Variants in ZDHHC24 observed in about 807,000 individuals in gnomAD.
The protein encoded by ZDHHC24 is zDHHC palmitoyltransferase 24.
Under a neutral mutation model 23.2 loss-of-function variants are expected in ZDHHC24, and 17 were observed. That is an observed-to-expected ratio of 0.73 (90% confidence interval 0.50 to 1.10). The LOEUF is 1.10. Ranked by LOEUF, ZDHHC24 falls within the 50% of genes least tolerant of loss-of-function variation. The probability of loss-of-function intolerance (pLI) is 0.00; values close to 1 mark genes in which losing one functional copy is unlikely to be tolerated. For synonymous variants in ZDHHC24, 186 were observed against 194.5 expected, an observed-to-expected ratio of 0.96 and a Z score of 0.36; for missense variants, 366 against 393.0, an observed-to-expected ratio of 0.93 and a Z score of 0.58.
chr11:66,523,903 C>G, intron 4 of ZDHHC24: 5 of 1,611,830 alleles, frequency 3.1e-6, no homozygotes, highest in Non-Finnish European at 4.2e-6. Context: ...TCTCCGGCAT[C>G]TGCCACTCAC....
Position 66,545,147 on chromosome 11 carries a change from C to A in ZDHHC24, c.281+576G>T, listed in dbSNP as rs544729241. 3.2e-4 allele frequency among the ~76,000 whole-genome samples: 48 copies of A among 152,292 alleles called. No homozygotes were observed. Among genetic ancestry groups the A allele is most frequent in the African/African-American group, 1.1e-3 (47 of 41,566 alleles). The stretch of plus-strand genomic sequence containing the variant: ...CTCCGCCTCCCAGGTTCAAACAATT[C>A]TCTTGCCTCAGCCTCCCCAGTAGCT... On this transcript the variant is annotated intron_variant, in intron 1 of 2. Coordinates refer to ENST00000310442, the MANE Select transcript of ZDHHC24 (RefSeq NM_207340.3). The surrounding 1 kb of genome is among the most constrained non-coding windows in gnomAD (Gnocchi z 4.5).
At chr11:66,531,681 A>G (rs148948642), downstream of ZDHHC24, 275 of 1,614,108 alleles carry the variant, frequency 1.7e-4, 2 homozygotes, top group East Asian at 5.6e-3. Context: ...CCAGGGCTCA[A>G]CTACCCCCTG....
At chr11:66,523,789 T>G (rs1435874238) in intron 4 of ZDHHC24, 1 of 1,613,538 alleles carries the variant, frequency 6.2e-7, no homozygotes, top group South Asian at 1.1e-5. Context: ...TGGAGCAGCA[T>G]TCCCGGGGCC....
At chr11:66,529,988 G>A (rs776877238) in intron 2 of ZDHHC24, 17 of 1,581,866 alleles carry the variant, frequency 1.1e-5, no homozygotes, top group Middle Eastern at 3.3e-4. Flanking sequence ...CAGGGCCAGA[G>A]GGGCAGAGGC....
chr11:66,544,641 GT>G (rs1356714576), intron 1 of ZDHHC24, among the ~76,000 whole-genome samples: 1 of 151,998 alleles, frequency 6.6e-6, no homozygotes, highest in Non-Finnish European at 1.5e-5. Flanking sequence ...CGCCCTCCAA[GT>G]TTTTTGCTCA....
chr11:66,524,031 G>A, intron 4 of ZDHHC24: 1 of 1,227,720 alleles, frequency 8.1e-7, no homozygotes, highest in South Asian at 1.3e-5. Context: ...TGTAATCCCA[G>A]CACTTTGGGA....
chr11:66,526,070 T>A, intron 4 of ZDHHC24: 1 of 1,572,686 alleles, frequency 6.4e-7, no homozygotes, highest in South Asian at 1.1e-5. Flanking sequence ...ATCCCCTGTC[T>A]TGCTTTCCTC....
chr11:66,520,902 A>G (rs1386777541), downstream of ZDHHC24: 14 of 340,306 alleles, frequency 4.1e-5, no homozygotes, highest in Non-Finnish European at 8.0e-5. Flanking sequence ...TACTTTTGGT[A>G]GAGACAAAGT....
Position 66,545,890 on chromosome 11 carries a change from C to A in ZDHHC24, c.114G>T (p.Val38=). The change falls in exon 1 of 3, where the codon GTG becomes GTT. Residue 38 remains valine, a synonymous_variant. Coordinates refer to ENST00000310442, the MANE Select transcript of ZDHHC24 (RefSeq NM_207340.3). This position sits in a 1 kb window ranked among gnomAD's most constrained non-coding sequence, Gnocchi z 4.5. ...CCAGCGGCGGCGGCCCGGGACCGAG[C>A]ACCAGCACGTAAGCCAGCTCCAGGC... is the stretch of plus-strand genomic sequence containing the variant. The part of the protein sequence containing the change: ...AVGLELAYVL[V]LGPGPPPLGP... The A allele has an allele frequency of 6.5e-7, 1 of 1,543,586 alleles. No individual in the cohort carries two copies.
downstream of ZDHHC24, chr11:66,531,974 A>G (rs150553044): frequency 4.5e-4 from 719 of 1,603,838 alleles, 2 homozygotes; most frequent in African/African-American, 7.1e-3. Flanking sequence ...GAGAAGGCCA[A>G]AGTGCACCCC....
intron 4 of ZDHHC24, chr11:66,526,662 C>G (rs200577824): frequency 6.2e-7 from 1 of 1,614,084 alleles, no homozygotes; most frequent in East Asian, 2.2e-5. Context: ...GTGGCCTGAT[C>G]ATCAAGATCC....
In ZDHHC24 at chr11:66,545,873, G is replaced by T. The variant is rs1222854059; in HGVS notation, c.131C>A (p.Pro44Gln). The T allele has an allele frequency of 1.9e-6, 3 of 1,547,318 alleles. No homozygotes were observed. The highest frequency in any genetic ancestry group is 2.7e-5 in the African/African-American group (2 of 73,244). The change falls in exon 1 of 3, where the codon CCG (proline) becomes CAG (glutamine). Residue 44 changes from proline (P) to glutamine (Q), a missense_variant. Coordinates refer to ENST00000310442, the MANE Select transcript of ZDHHC24 (RefSeq NM_207340.3). This position sits in a 1 kb window ranked among gnomAD's most constrained non-coding sequence, Gnocchi z 4.5. Reference protein sequence around the residue: ...AYVLVLGPGPPPLGPLARALQ... With the variant: ...AYVLVLGPGPQPLGPLARALQ... ...GGCCCGGGCCAGGGGTCCCAGCGGCGGCGGCCCGGGACCGAGCACCAGCAC... is the reference window on the plus strand; with the variant it reads ...GGCCCGGGCCAGGGGTCCCAGCGGCTGCGGCCCGGGACCGAGCACCAGCAC...
At chr11:66,522,007 G>A (rs1426312298) in intron 4 of ZDHHC24, among the ~76,000 whole-genome samples, 2 of 150,146 alleles carry the variant, frequency 1.3e-5, no homozygotes, top group African/African-American at 4.9e-5. Context: ...CATGAGGTCA[G>A]GAGATCCAGA....
Position 66,521,254 on chromosome 11 carries a change from C to T in ZDHHC24, c.*234G>A, listed in dbSNP as rs141332689. The T allele has an allele frequency of 5.7e-4, 921 of 1,602,014 alleles. 2 individuals are homozygous for T. The highest frequency in any genetic ancestry group is 1.0e-3 in the Middle Eastern group (6 of 5,964). ...GGCTCCAGAGAAATTGGAGTGTTTG[C>T]GCTTCTTGTTTGCAGATGAGCCTTC... On this transcript the variant is annotated 3_prime_UTR_variant, in exon 5 of 5. Coordinates refer to the ZDHHC24 transcript ENST00000526986.
intron 2 of ZDHHC24, chr11:66,530,086 G>A (rs989149639): frequency 1.1e-5 from 14 of 1,286,298 alleles, no homozygotes; most frequent in African/African-American, 1.5e-5. Flanking sequence ...TCACCTTCCC[G>A]CAGACCTGGG....
At chr11:66,525,277 T>C (rs1290138013) in intron 4 of ZDHHC24, among the ~76,000 whole-genome samples, 1 of 151,454 alleles carries the variant, frequency 6.6e-6, no homozygotes, top group African/African-American at 2.4e-5. Flanking sequence ...AAGAATCACT[T>C]GAACCTGGGA....
chr11:66,525,044 CA>C (rs1184545288), intron 4 of ZDHHC24, among the ~76,000 whole-genome samples: 1 of 151,932 alleles, frequency 6.6e-6, no homozygotes, highest in Non-Finnish European at 1.5e-5. Flanking sequence ...ACTAAAAATA[CA>C]AAAAATTAGC....
chr11:66,523,962 G>T (rs1856369431), intron 4 of ZDHHC24: 1 of 1,575,366 alleles, frequency 6.3e-7, no homozygotes, highest in South Asian at 1.1e-5. Context: ...TGCCTCTTCC[G>T]ACCACACATT....
chr11:66,545,945 A>T lies in ZDHHC24; in HGVS notation c.59T>A (p.Val20Glu). 1 of 1,469,452 alleles carries T rather than the reference A, an allele frequency of 6.8e-7. No individual in the cohort carries two copies. The highest frequency in any genetic ancestry group is 8.9e-7 in the Non-Finnish European group (1 of 1,123,200). 91.0% of individuals were successfully genotyped at this position (1,469,452 alleles called of 1,614,324 possible). Reference protein sequence around the residue: ...TDGAPAQLPLVLTALWAAAVG... With the variant: ...TDGAPAQLPLELTALWAAAVG... ...GGCCGCGGCCCACAGCGCGGTGAGC[A>T]CGAGAGGCAGCTGCGCGGGCGCCCC... The change falls in exon 1 of 3, where the codon GTG (valine) becomes GAG (glutamate). Residue 20 changes from valine to glutamate, a missense_variant. Transcript: ENST00000310442. This position sits in a 1 kb window ranked among gnomAD's most constrained non-coding sequence, Gnocchi z 4.5.
Sources: allele counts gnomAD v4.1 joint callset (sites outside exome capture counted in the v4.1 genomes callset), GRCh38; gene constraint gnomAD v4.1.1; non-coding constraint Gnocchi (gnomAD v3.1); transcripts MANE v1.5; gene names NCBI Gene and HGNC (gene_info 2026-07-23, HGNC 2026-07-21).